The following PROZ variants were observed in gnomAD, a reference collection of about 807,000 sequenced individuals.
PROZ encodes the protein protein Z, vitamin K dependent plasma glycoprotein, also known as vitamin K-dependent protein Z.
PROZ carries 46 observed loss-of-function variants against 34.9 expected under a neutral mutation model. The ratio of observed to expected loss-of-function variants is 1.32; its 90% CI spans 1.04 to 1.69. The LOEUF is 1.69. PROZ is among the 40% of genes most tolerant of loss of function. PROZ has a pLI of 0.00. For missense variants in PROZ, 530 were observed against 520.4 expected (o/e 1.02, Z -0.18); for synonymous variants, 195 against 208.5 (o/e 0.94, Z 0.56).
In PROZ at chr13:113,167,986, T is replaced by C. The variant is rs77971800; in HGVS notation, c.574-2427T>C. Reference sequence around the variant, plus strand: ...GTTTGGAGAATGCATCTTTACCCTATCACAGTCCACTCCACTTTCGCCGAC... The same window carrying C: ...GTTTGGAGAATGCATCTTTACCCTACCACAGTCCACTCCACTTTCGCCGAC... On this transcript the variant is annotated intron_variant, in intron 6 of 7. Coordinates refer to ENST00000375547, the MANE Select transcript of PROZ (RefSeq NM_003891.3). 0.016 allele frequency among the ~76,000 whole-genome samples: 2,411 copies of C among 152,264 alleles called. 162 individuals are homozygous for C. In the East Asian group the frequency reaches 0.21, roughly 13 times the overall value.
intron 4 of PROZ, among the ~76,000 whole-genome samples, chr13:113,163,839 C>T (rs1264698727): frequency 6.6e-6 from 1 of 151,984 alleles, no homozygotes; most frequent in African/African-American, 2.4e-5. Flanking sequence ...CCCCTCCCAT[C>T]CCACGTCCCC....
Position 113,160,088 on chromosome 13 carries a change from CTCT to C in PROZ, c.148_150del (p.Phe50del). 1.2e-6 allele frequency: 2 copies of C among 1,614,164 alleles called. No individual in the cohort carries two copies. Among genetic ancestry groups the C allele is most frequent in the Non-Finnish European group, 1.7e-6 (2 of 1,180,016 alleles). ...TGCGGGCTCCTATCTTCTGGAAGAA[CTCT>C]TCGAGGGAAACTTGGAAAAAGAATG... On this transcript the variant is annotated inframe_deletion, in exon 2 of 8. Transcript: ENST00000375547.
At chr13:113,160,207 T>G (rs1198551077) in intron 2 of PROZ, 30 bp downstream of exon 2, 4 of 1,610,502 alleles carry the variant, frequency 2.5e-6, no homozygotes, top group Non-Finnish European at 3.4e-6. Context: ...ACCACAGGCC[T>G]CCTCATTATT....
rs145523497 is a variant in PROZ, at chr13:113,163,018, C to T, written c.269C>T (p.Pro90Leu). Residue 90 changes from proline to leucine, a missense_variant, in exon 4 of 8, where the codon CCG becomes CTG. Coordinates refer to ENST00000375547, the MANE Select transcript of PROZ (RefSeq NM_003891.3). ...EFWRRYKGGSPCISQPCLHNG... is the reference protein window; with the variant it reads ...EFWRRYKGGSLCISQPCLHNG... ...CATCCTCCTCCTGCAGGCGGCTCCC[C>T]GTGCATCTCCCAGCCCTGCCTCCAC... The T allele has an allele frequency of 7.1e-6, 11 of 1,555,778 alleles. No homozygotes were observed. Among genetic ancestry groups the T allele is most frequent in the African/African-American group, 4.1e-5 (3 of 73,188 alleles).
Position 113,159,393 on chromosome 13 carries a change from C to T in PROZ, c.71-621C>T. ...CTTACCGTAGCCGGACTTAGCTGAGCCCCCCCTGCTGTAACCCTCAGCACC... is the reference window on the plus strand; with the variant it reads ...CTTACCGTAGCCGGACTTAGCTGAGTCCCCCCTGCTGTAACCCTCAGCACC... On this transcript the variant is annotated intron_variant, in intron 1 of 7. Transcript: ENST00000375547. This position sits in a 1 kb window ranked among gnomAD's most constrained non-coding sequence, Gnocchi z 4.6. 3.1e-6 allele frequency: 3 copies of T among 965,808 alleles called. No homozygotes were observed. In the Admixed American group the frequency reaches 6.4e-5, roughly 21 times the overall value. 59.8% of individuals were successfully genotyped at this position (965,808 alleles called of 1,614,324 possible).
rs1267513906 is a variant in PROZ at position 113,172,136 on chromosome 13, C to A, written c.*31C>A. The A allele has an allele frequency of 4.4e-6, 7 of 1,608,650 alleles. No homozygotes were observed. In the South Asian group the frequency reaches 6.6e-5, roughly 15 times the overall value. On this transcript the variant is annotated 3_prime_UTR_variant, in exon 8 of 8. Transcript: ENST00000375547. ...ACTCAGCTAGCCAGAATGAACAACACAACCGGAAGCGGGATTCCAAGCTGG... is the reference window on the plus strand; with the variant it reads ...ACTCAGCTAGCCAGAATGAACAACAAAACCGGAAGCGGGATTCCAAGCTGG...
rs756093948 is a variant in PROZ at position 113,172,098 on chromosome 13, T to A, written c.1196T>A (p.Met399Lys). The A allele has an allele frequency of 2.4e-5, 39 of 1,612,422 alleles. No homozygotes were observed. In the South Asian group the frequency reaches 4.3e-4, roughly 18 times the overall value. The change falls in exon 8 of 8, where the codon ATG becomes AAG. Residue 399 changes from methionine to lysine, a missense_variant. By Grantham distance (95) the Met-to-Lys change is moderately conservative. Transcript: ENST00000375547. ...TACTCACTCTGGTTTAAACAGATCA[T>A]GAACTAACTGAAACTCAGCTAGCCA... The part of the protein sequence containing the change: ...SRYSLWFKQI[M>K]N
intron 6 of PROZ, among the ~76,000 whole-genome samples, chr13:113,168,217 G>A (rs928300094): frequency 3.5e-4 from 53 of 152,326 alleles, no homozygotes; most frequent in African/African-American, 1.1e-3. Flanking sequence ...AGTGGAATGC[G>A]GATAAATATT....
chr13:113,158,724 C>T lies in PROZ; in HGVS notation c.64C>T (p.Pro22Ser). The T allele has an allele frequency of 6.2e-7, 1 of 1,603,908 alleles. No individual in the cohort carries two copies. The highest frequency in any genetic ancestry group is 8.5e-7 in the Non-Finnish European group (1 of 1,175,702). Reference sequence around the variant, plus strand: ...GGTCCTCGCCCTCCATCGTGTGGAGCCCTCAGGTAGGCATCTGGCTTACCT... The same window carrying T: ...GGTCCTCGCCCTCCATCGTGTGGAGTCCTCAGGTAGGCATCTGGCTTACCT... Reference protein sequence around the residue: ...VLVLALHRVEPSVFLPASKAN... With the variant: ...VLVLALHRVESSVFLPASKAN... The change falls in exon 1 of 8, where the codon CCC becomes TCC. Residue 22 changes from proline (P) to serine (S), a missense_variant. Transcript: ENST00000375547. This position sits in a 1 kb window ranked among gnomAD's most constrained non-coding sequence, Gnocchi z 4.3.
At chr13:113,161,026 G>A (rs375136758) in intron 3 of PROZ, 54 bp downstream of exon 3, 253 of 1,525,690 alleles carry the variant, frequency 1.7e-4, no homozygotes, top group Non-Finnish European at 2.1e-4. Flanking sequence ...GATGAGGTGC[G>A]TGGGTGGGCT....
rs1297298279 is a variant in PROZ at position 113,159,841 on chromosome 13, C to T, written c.71-173C>T. The stretch of plus-strand genomic sequence containing the variant: ...ATCCATTCGCCCAGAGGATGAAGTG[C>T]TTGCCTACCTCGGGGGAGGGAGTAG... On this transcript the variant is annotated intron_variant, in intron 1 of 7. Transcript: ENST00000375547. This position sits in a 1 kb window ranked among gnomAD's most constrained non-coding sequence, Gnocchi z 4.6. Among the ~76,000 whole-genome samples, 2 of 152,224 alleles carry T rather than the reference C, an allele frequency of 1.3e-5. No homozygotes were observed. The highest frequency in any genetic ancestry group is 1.9e-4 in the East Asian group (1 of 5,176).
chr13:113,168,380 G>A (rs1274793380), intron 6 of PROZ, among the ~76,000 whole-genome samples: 2 of 152,154 alleles, frequency 1.3e-5, no homozygotes, highest in African/African-American at 4.8e-5. Context: ...CGTTTGTCTG[G>A]AGGAGTCTTT....
intron 6 of PROZ, 123 bp from the exon 7 acceptor site, chr13:113,170,290 T>G (rs1381691593): frequency 1.6e-6 from 1 of 626,936 alleles, no homozygotes; most frequent in Non-Finnish European, 2.8e-6. Flanking sequence ...TACGGCTGTC[T>G]GCCTTTGGCG....
At chr13:113,164,693 C>G (rs375148430) in intron 5 of PROZ, 49 bp downstream of exon 5, 2 of 1,608,294 alleles carry the variant, frequency 1.2e-6, no homozygotes, top group Non-Finnish European at 1.7e-6. Flanking sequence ...CCAGCGACCC[C>G]GTCCACATCC....
At position 113,171,613 on chromosome 13, in the gene PROZ, A is replaced by G. The variant is rs762790394; in HGVS notation, c.711A>G (p.Gln237=). Reference sequence around the variant, plus strand: ...TTTCAGATTTTAACAGAACGAGCCAAGACCCGCTGATGATCAAGATAACGC... The same window carrying G: ...TTTCAGATTTTAACAGAACGAGCCAGGACCCGCTGATGATCAAGATAACGC... The part of the protein sequence containing the change: ...TVKTYFNRTS[Q]DPLMIKITHV... Residue 237 remains glutamine (Q), a synonymous_variant, in exon 8 of 8, where the codon CAA becomes CAG. Coordinates refer to ENST00000375547, the MANE Select transcript of PROZ (RefSeq NM_003891.3). The surrounding 1 kb of genome is among the most constrained non-coding windows in gnomAD (Gnocchi z 5.1). 6.2e-7 allele frequency: 1 copy of G among 1,614,184 alleles called. No homozygotes were observed. The highest frequency in any genetic ancestry group is 1.1e-5 in the South Asian group (1 of 91,086).
chr13:113,164,117 C>T (rs943707013), intron 4 of PROZ, among the ~76,000 whole-genome samples: 1 of 151,932 alleles, frequency 6.6e-6, no homozygotes, highest in Non-Finnish European at 1.5e-5. Context: ...GTAACTGGGA[C>T]TACAGGCACG....
In PROZ at chr13:113,161,327, C is replaced by T. The variant is rs537240149; in HGVS notation, c.259+355C>T. Among the ~76,000 whole-genome samples, 4 of 152,296 alleles carry T rather than the reference C, an allele frequency of 2.6e-5. 1 individual carries two copies. The South Asian group carries it at 8.3e-4, about 32-fold the overall frequency. On this transcript the variant is annotated intron_variant, in intron 3 of 7. Transcript: ENST00000375547. ...GCCTCATGCTGCAGCAGGGTCAGAA[C>T]TCGTCTCAAATTTTGGAAAGTCATG...
intron 4 of PROZ, among the ~76,000 whole-genome samples, chr13:113,164,205 C>T (rs1427058619): frequency 6.6e-6 from 1 of 152,086 alleles, no homozygotes; most frequent in Non-Finnish European, 1.5e-5. Flanking sequence ...GTCTTGATCT[C>T]CTGACCTCGT....
intron 4 of PROZ, among the ~76,000 whole-genome samples, 181 bp downstream of exon 4, chr13:113,163,303 C>A (rs191887119): frequency 2.0e-4 from 31 of 152,020 alleles, no homozygotes; most frequent in Non-Finnish European, 3.2e-4. Flanking sequence ...CCAGAAACCA[C>A]GCCGGGGGCT....
Sources: allele counts gnomAD v4.1 joint callset (sites outside exome capture counted in the v4.1 genomes callset), GRCh38; gene constraint gnomAD v4.1.1; non-coding constraint Gnocchi (gnomAD v3.1); transcripts MANE v1.5; gene names NCBI Gene and HGNC (gene_info 2026-07-23, HGNC 2026-07-21).